EEPD1: variants seen among roughly 807,000 people sequenced by gnomAD.
EEPD1 encodes endonuclease/exonuclease/phosphatase family domain-containing protein 1.
EEPD1 carries 17 observed loss-of-function variants against 46.3 expected under a neutral mutation model. That is an observed-to-expected ratio of 0.37 (90% confidence interval 0.25 to 0.55). The LOEUF is 0.55. Among genes scored for constraint, EEPD1 ranks in the 20% least tolerant of loss-of-function variants. The probability of loss-of-function intolerance (pLI) is 0.83; values close to 1 mark genes in which losing one functional copy is unlikely to be tolerated. For synonymous variants in EEPD1, 313 were observed against 315.6 expected, an observed-to-expected ratio of 0.99 and a Z score of 0.09; for missense variants, 673 against 745.6, an observed-to-expected ratio of 0.90 and a Z score of 1.13.
Position 36,193,303 on chromosome 7 carries a change from C to T in EEPD1, c.878+38101C>T, listed in dbSNP as rs574638887. Among the ~76,000 whole-genome samples the T allele has an allele frequency of 5.3e-5, 8 of 152,114 alleles. No individual in the cohort carries two copies. Among genetic ancestry groups the T allele is most frequent in the South Asian group, 2.1e-4 (1 of 4,814 alleles). ...GAAGAGGCCCAGAGAGCAGAGTTCC[C>T]GAGAGGGAGAGTGTGCAGAAGCCTG... On this transcript the variant is annotated intron_variant, in intron 2 of 7. Transcript: ENST00000242108. The surrounding 1 kb of genome is among the most constrained non-coding windows in gnomAD (Gnocchi z 4.9).
At chr7:36,170,067 T>C (rs1785050115) in intron 2 of EEPD1, among the ~76,000 whole-genome samples, 1 of 152,192 alleles carries the variant, frequency 6.6e-6, no homozygotes, top group Non-Finnish European at 1.5e-5. Flanking sequence ...CTTCCATAGA[T>C]TGCTGCCGGC....
At chr7:36,208,457 C>G (rs146495439) in intron 2 of EEPD1, among the ~76,000 whole-genome samples, 1 of 152,196 alleles carries the variant, frequency 6.6e-6, no homozygotes, top group Admixed American at 6.5e-5. Flanking sequence ...GGCCCAGTGG[C>G]TTTGACAGTT....
chr7:36,241,000 CAGAG>C (rs1400495941), intron 3 of EEPD1, among the ~76,000 whole-genome samples: 3 of 152,036 alleles, frequency 2.0e-5, no homozygotes, highest in African/African-American at 4.8e-5. Flanking sequence ...CAGACAGATC[CAGAG>C]AGAGAAAGAT....
At chr7:36,273,974 G>A (rs1360367077) in intron 3 of EEPD1, among the ~76,000 whole-genome samples, 3 of 152,248 alleles carry the variant, frequency 2.0e-5, no homozygotes, top group Non-Finnish European at 4.4e-5. Flanking sequence ...TCCTGGGCCA[G>A]TAGGAATGGA....
chr7:36,264,371 C>CG (rs1786978972), intron 3 of EEPD1, among the ~76,000 whole-genome samples: 1 of 152,224 alleles, frequency 6.6e-6, no homozygotes, highest in Admixed American at 6.5e-5. Context: ...TGTTACTTAA[C>CG]TACTTCAGCC....
At chr7:36,262,232 T>C (rs913109675) in intron 3 of EEPD1, among the ~76,000 whole-genome samples, 2 of 152,084 alleles carry the variant, frequency 1.3e-5, no homozygotes, top group East Asian at 3.9e-4. Flanking sequence ...TCCAGCATCT[T>C]GGGAGGGTGA....
chr7:36,178,320 C>T (rs752970755), intron 2 of EEPD1, among the ~76,000 whole-genome samples: 5 of 152,036 alleles, frequency 3.3e-5, no homozygotes, highest in Admixed American at 6.5e-5. Context: ...CCTAGCCACA[C>T]GCTGCAGTAA....
chr7:36,171,862 C>T (rs1319554252), intron 2 of EEPD1, among the ~76,000 whole-genome samples: 1 of 152,192 alleles, frequency 6.6e-6, no homozygotes, highest in Non-Finnish European at 1.5e-5. Flanking sequence ...CTGATGGCTG[C>T]TAACATCAGA....
At chr7:36,221,011 G>A (rs559602095) in intron 2 of EEPD1, among the ~76,000 whole-genome samples, 2 of 152,272 alleles carry the variant, frequency 1.3e-5, no homozygotes, top group East Asian at 1.9e-4. Flanking sequence ...GTTTCACCAT[G>A]TTGGTCAAGC....
At chr7:36,262,707 A>C (rs1031168658) in intron 3 of EEPD1, among the ~76,000 whole-genome samples, 2 of 152,048 alleles carry the variant, frequency 1.3e-5, no homozygotes, top group African/African-American at 4.8e-5. Context: ...GTACCAGTCG[A>C]GTGTTCCTGG....
chr7:36,196,540 TGCCTGCG>T, intron 2 of EEPD1, among the ~76,000 whole-genome samples: 1 of 152,208 alleles, frequency 6.6e-6, no homozygotes, highest in East Asian at 1.9e-4. Flanking sequence ...GCCTGCCCAG[TGCCTGCG>T]ATTGCAGGCG....
chr7:36,293,560 C>T lies in EEPD1; in HGVS notation c.1316-3433C>T, dbSNP rs11983958. ...CCCAAGGGCTTTTTGTAGAGCTCCC[C>T]GGCTCCAACTTCAGTCAGATAAGCT... On this transcript the variant is annotated intron_variant, in intron 6 of 7. Coordinates refer to ENST00000242108, the MANE Select transcript of EEPD1 (RefSeq NM_030636.3). Among the ~76,000 whole-genome samples the T allele has an allele frequency of 9.5e-3, 1,450 of 152,222 alleles. 25 individuals carry two copies. The highest frequency in any genetic ancestry group is 0.033 in the African/African-American group (1,351 of 41,512).
chr7:36,212,601 G>A (rs1190509128), intron 2 of EEPD1, among the ~76,000 whole-genome samples: 2 of 127,316 alleles, frequency 1.6e-5, no homozygotes, highest in African/African-American at 5.5e-5. Context: ...ATTGGCCAAA[G>A]GAAGTCACAT....
intron 3 of EEPD1, among the ~76,000 whole-genome samples, chr7:36,253,812 G>A (rs10282140): frequency 0.013 from 1,910 of 151,938 alleles, 19 homozygotes; most frequent in Non-Finnish European, 0.02. Flanking sequence ...ATTCAGTTAC[G>A]TATATCTTTG....
At chr7:36,155,321 A>G (rs1583775201) in intron 2 of EEPD1, 119 bp downstream of exon 2, 4 of 1,217,596 alleles carry the variant, frequency 3.3e-6, no homozygotes, top group Non-Finnish European at 4.3e-6. Context: ...TTTTTAATCA[A>G]TGTTCTTGAA....
At chr7:36,259,480 C>CTAT (rs1345235510) in intron 3 of EEPD1, among the ~76,000 whole-genome samples, 1 of 152,110 alleles carries the variant, frequency 6.6e-6, no homozygotes, top group Non-Finnish European at 1.5e-5. Context: ...ACACCTTGAA[C>CTAT]TATACATTGT....
intron 2 of EEPD1, among the ~76,000 whole-genome samples, chr7:36,196,489 C>T (rs2115689474): frequency 6.6e-6 from 1 of 152,320 alleles, no homozygotes; most frequent in East Asian, 1.9e-4. Context: ...CTGCTGCCAT[C>T]TTGGCTCGCT....
Position 36,287,784 on chromosome 7 carries a change from C to T in EEPD1, c.1315+7C>T, listed in dbSNP as rs1424802851. On this transcript the variant is annotated splice_region_variant and intron_variant, in intron 6 of 7. Transcript: ENST00000242108. ...CTACAGGAAACCCTGAAAGGTAGGA[C>T]ATTGTCTTTTGCTGTGACTCGGCCA... The T allele has an allele frequency of 3.1e-6, 5 of 1,613,220 alleles. No individual in the cohort carries two copies. In the East Asian group the frequency reaches 1.1e-4, roughly 36 times the overall value.
intron 3 of EEPD1, among the ~76,000 whole-genome samples, chr7:36,257,207 C>T (rs1786840580): frequency 6.6e-6 from 1 of 151,754 alleles, no homozygotes; most frequent in Admixed American, 6.6e-5. Flanking sequence ...GTCTGATGGG[C>T]CTCCCTTTGT....
Sources: gnomAD v4.1 joint callset for allele counts (sites outside exome capture counted in the v4.1 genomes callset) on GRCh38, gnomAD v4.1.1 for gene constraint, Gnocchi (gnomAD v3.1) non-coding constraint, MANE v1.5 for transcripts, NCBI Gene and HGNC (gene_info 2026-07-23, HGNC 2026-07-21) for gene names.